The following SYNE1 variants were observed in gnomAD, a reference collection of about 807,000 sequenced individuals.
The protein encoded by SYNE1 is nesprin-1.
A neutral mutation model predicts 1,111.0 loss-of-function variants in SYNE1; 616 were observed. The ratio of observed to expected loss-of-function variants is 0.55; its 90% CI spans 0.52 to 0.59. The LOEUF is 0.59. SYNE1 is among the 20% of genes least tolerant of loss of function. The pLI is 0.00. For synonymous variants in SYNE1, 3,855 were observed against 3,825.8 expected, an observed-to-expected ratio of 1.01 and a Z score of -0.28; for missense variants, 10,006 against 10,417.0, an observed-to-expected ratio of 0.96 and a Z score of 1.72.
chr6:152,602,633 C>T (rs182904234), intron 3 of SYNE1, among the ~76,000 whole-genome samples: 28 of 152,242 alleles, frequency 1.8e-4, no homozygotes, highest in East Asian at 3.9e-4. Context: ...AAACAAAATG[C>T]CTCTGATTAT....
Position 152,416,707 on chromosome 6 carries a change from A to C in SYNE1, c.5730T>G (p.Asn1910Lys), listed in dbSNP as rs1311447431. The C allele has an allele frequency of 1.2e-6, 2 of 1,614,114 alleles. No individual in the cohort carries two copies. The highest frequency in any genetic ancestry group is 1.7e-6 in the Non-Finnish European group (2 of 1,180,050). The change falls in exon 41 of 146, where the codon AAT becomes AAG. Residue 1910 changes from asparagine to lysine, a missense_variant. Coordinates refer to ENST00000367255, the MANE Select transcript of SYNE1 (RefSeq NM_182961.4). ...ATGCTTTAGCATTTTGAAGAGCATCATTGAGGTCCTTTTCTATCAAATCAG... is the reference window on the plus strand; with the variant it reads ...ATGCTTTAGCATTTTGAAGAGCATCCTTGAGGTCCTTTTCTATCAAATCAG... ...NESDLIEKDL[N>K]DALQNAKALE... is the part of the protein sequence containing the mutation.
intron 81 of SYNE1, 30 bp from the exon 82 acceptor site, chr6:152,323,767 C>G (rs2095957897): frequency 6.2e-7 from 1 of 1,612,680 alleles, no homozygotes; most frequent in Non-Finnish European, 8.5e-7. Flanking sequence ...CTATGAAGTT[C>G]AATAATAAAT....
In SYNE1 at chr6:152,230,811, A is replaced by C. The variant is rs1401767254; in HGVS notation, c.21040-109T>G. On this transcript the variant is annotated intron_variant, in intron 114 of 145. Coordinates refer to ENST00000367255, the MANE Select transcript of SYNE1 (RefSeq NM_182961.4). ...TTTCTCCAAATTAAGAATTCTTAAAATACAGTTCATCGTATATATGATTTA... is the reference window on the plus strand; with the variant it reads ...TTTCTCCAAATTAAGAATTCTTAAACTACAGTTCATCGTATATATGATTTA... The C allele has an allele frequency of 8.7e-6, 11 of 1,266,312 alleles. No individual in the cohort carries two copies. The Admixed American group carries it at 2.2e-4, about 25-fold the overall frequency. 78.4% of individuals were successfully genotyped at this position (1,266,312 alleles called of 1,614,324 possible).
rs774468498 is a variant in SYNE1 at position 152,268,163 on chromosome 6, C to T, written c.18708G>A (p.Glu6236=). Residue 6236 remains glutamate (E), a splice_region_variant and synonymous_variant, in exon 100 of 146, where the codon GAG becomes GAA. Coordinates refer to ENST00000367255, the MANE Select transcript of SYNE1 (RefSeq NM_182961.4). ...QRQSSLQQQK[E]LEQELAEQKS... Reference sequence around the variant, plus strand: ...TCTGCTCGGCTAATTCCTGTTCTAACTCCTGCTCAAGGGAAAGGACAAACG... The same window carrying T: ...TCTGCTCGGCTAATTCCTGTTCTAATTCCTGCTCAAGGGAAAGGACAAACG... 5 of 1,613,532 alleles carry T rather than the reference C, an allele frequency of 3.1e-6. No individual in the cohort carries two copies. Among genetic ancestry groups the T allele is most frequent in the Non-Finnish European group, 4.2e-6 (5 of 1,179,424 alleles).
intron 3 of SYNE1, among the ~76,000 whole-genome samples, chr6:152,572,424 C>A (rs183849972): frequency 6.6e-6 from 1 of 152,254 alleles, no homozygotes; most frequent in Non-Finnish European, 1.5e-5. Flanking sequence ...TAAAAGTGCT[C>A]ATTTCCTATG....
intron 36 of SYNE1, among the ~76,000 whole-genome samples, chr6:152,429,709 T>A (rs2098410478): frequency 6.6e-6 from 1 of 152,148 alleles, no homozygotes; most frequent in African/African-American, 2.4e-5. Context: ...TGGAAACAGA[T>A]CAGTGAGGAT....
intron 100 of SYNE1, among the ~76,000 whole-genome samples, chr6:152,264,667 G>A (rs1239067005): frequency 6.6e-6 from 1 of 152,056 alleles, no homozygotes; most frequent in East Asian, 1.9e-4. Context: ...AGGCATGGTG[G>A]TACATGCCGG....
chr6:152,358,125 C>T (rs2096869676), intron 66 of SYNE1, among the ~76,000 whole-genome samples: 1 of 152,164 alleles, frequency 6.6e-6, no homozygotes, highest in African/African-American at 2.4e-5. Flanking sequence ...TTTGTCAGGG[C>T]CACCCTAGCA....
At position 152,577,706 on chromosome 6, in the gene SYNE1, G is replaced by A. The variant is rs561643937; in HGVS notation, c.68-37685C>T. Among the ~76,000 whole-genome samples, 11 of 151,952 alleles carry A rather than the reference G, an allele frequency of 7.2e-5. No homozygotes were observed. In the South Asian group the frequency reaches 2.3e-3, roughly 32 times the overall value. ...AACTCTGGTGATTTTCCAGACGGGAGTTGGAGTGAAGGTCTACATTCACTT... is the reference window on the plus strand; with the variant it reads ...AACTCTGGTGATTTTCCAGACGGGAATTGGAGTGAAGGTCTACATTCACTT... On this transcript the variant is annotated intron_variant, in intron 3 of 145. Transcript: ENST00000367255.
chr6:152,186,668 G>A (rs2070189500), intron 128 of SYNE1, among the ~76,000 whole-genome samples: 2 of 150,968 alleles, frequency 1.3e-5, no homozygotes, highest in Non-Finnish European at 2.9e-5. Context: ...TCTTTGGGGA[G>A]GGAAGTTCAT....
chr6:152,338,348 G>A (rs2096453369), intron 75 of SYNE1, among the ~76,000 whole-genome samples: 2 of 151,708 alleles, frequency 1.3e-5, no homozygotes, highest in African/African-American at 2.4e-5. Context: ...TGGGCCAGGC[G>A]TGGTGGCTCA....
rs530440545 is a variant in SYNE1 at position 152,300,977 on chromosome 6, G to A, written c.17542-196C>T. Among the ~76,000 whole-genome samples the A allele has an allele frequency of 3.3e-5, 5 of 152,292 alleles. No individual in the cohort carries two copies. In the East Asian group the frequency reaches 9.6e-4, roughly 29 times the overall value. Reference sequence around the variant, plus strand: ...GAGAATATGATGCTAGTAATCATTTGTAAAACAATCAGGGATGGGGGTGCA... The same window carrying A: ...GAGAATATGATGCTAGTAATCATTTATAAAACAATCAGGGATGGGGGTGCA... On this transcript the variant is annotated intron_variant, in intron 92 of 145. Coordinates refer to ENST00000367255, the MANE Select transcript of SYNE1 (RefSeq NM_182961.4).
At position 152,407,168 on chromosome 6, in the gene SYNE1, T is replaced by C. The variant is rs1488784271; in HGVS notation, c.6569A>G (p.Asp2190Gly). The C allele has an allele frequency of 6.2e-7, 1 of 1,613,942 alleles. No individual in the cohort carries two copies. Among genetic ancestry groups the C allele is most frequent in the Non-Finnish European group, 8.5e-7 (1 of 1,179,980 alleles). Residue 2190 changes from aspartate (D) to glycine (G), a missense_variant, in exon 45 of 146, where the codon GAT (aspartate) becomes GGT (glycine). Transcript: ENST00000367255. ...DVSEKLEENM[D>G]RLRVSLSIWD... ...AATGGACAGGCTTACTCTCAGCCTA[T>C]CCATGTTTTCTTCAAGTTTCTCTGA...
rs9397106 is a variant in SYNE1 at position 152,488,392 on chromosome 6, A to T, written c.1047+4T>A. The T allele has an allele frequency of 0.44, 671,618 of 1,521,684 alleles. 155,519 individuals carry two copies. Among genetic ancestry groups the T allele is most frequent in the East Asian group, 0.78 (34,461 of 44,246 alleles). 94.3% of individuals were successfully genotyped at this position (1,521,684 alleles called of 1,614,324 possible). A position where few individuals can be genotyped will look rare whatever the true frequency, so the allele number is the denominator to read the frequency against. The stretch of plus-strand genomic sequence containing the variant: ...AAAATTCAAAAATCTTCTCCATACA[A>T]TACCTGATATTTATCCTGTAAATTT... On this transcript the variant is annotated splice_donor_region_variant and intron_variant, in intron 12 of 145. Coordinates refer to ENST00000367255, the MANE Select transcript of SYNE1 (RefSeq NM_182961.4).
In SYNE1 at chr6:152,180,226, C is replaced by G; in HGVS notation, c.23370G>C (p.Lys7790Asn). ...TTTGAGTCAACCACTCACAGAGTTC[C>G]TTGTTCTTTTCACTGAAGACTGCCC... ...NEWAVFSEKN[K>N]ELCEWLTQME... The change falls in exon 129 of 146, where the codon AAG (lysine) becomes AAC (asparagine). Residue 7790 changes from lysine to asparagine, a missense_variant. Lys to Asn is a moderately conservative substitution (Grantham distance 94). This residue lies in a region of SYNE1 where 2,182 missense variants were observed against 2,287.8 expected (regional missense o/e 0.95). Coordinates refer to ENST00000367255, the MANE Select transcript of SYNE1 (RefSeq NM_182961.4). 6.2e-7 allele frequency: 1 copy of G among 1,614,090 alleles called. No individual in the cohort carries two copies. Among genetic ancestry groups the G allele is most frequent in the Non-Finnish European group, 8.5e-7 (1 of 1,179,982 alleles).
intron 45 of SYNE1, 97 bp from the exon 46 acceptor site, chr6:152,404,411 C>T (rs1012867864): frequency 1.1e-6 from 1 of 897,888 alleles, no homozygotes; most frequent in Middle Eastern, 3.3e-4. Context: ...CGAAATACCC[C>T]AACTTTAAGC....
intron 3 of SYNE1, among the ~76,000 whole-genome samples, chr6:152,558,985 T>TTTAC (rs1292890631): frequency 2.5e-5 from 2 of 78,936 alleles, no homozygotes; most frequent in Non-Finnish European, 5.2e-5. Context: ...TTTTTATTTA[T>TTTAC]TTATTTATTT....
Position 152,424,081 on chromosome 6 carries a change from A to G in SYNE1, c.5267+1300T>C, listed in dbSNP as rs138555406. Among the ~76,000 whole-genome samples the G allele has an allele frequency of 5.5e-3, 842 of 152,230 alleles. 3 individuals carry two copies. Among genetic ancestry groups the G allele is most frequent in the South Asian group, 7.9e-3 (38 of 4,818 alleles). ...TTCCTTCCTCCCCTCTCTCCACACCATGGACCTGCCTTGCTTACTGCTGTA... is the reference window on the plus strand; with the variant it reads ...TTCCTTCCTCCCCTCTCTCCACACCGTGGACCTGCCTTGCTTACTGCTGTA... On this transcript the variant is annotated intron_variant, in intron 39 of 145. Transcript: ENST00000367255.
intron 3 of SYNE1, among the ~76,000 whole-genome samples, chr6:152,565,145 C>T (rs1334544421): frequency 6.6e-6 from 1 of 152,090 alleles, no homozygotes; most frequent in Non-Finnish European, 1.5e-5. Context: ...TTCTAGAAGC[C>T]AGGAGAAACC....
Sources: gnomAD v4.1 joint callset for allele counts (sites outside exome capture counted in the v4.1 genomes callset) on GRCh38, gnomAD v4.1.1 for gene constraint, gnomAD v4.1.1 regional missense constraint, MANE v1.5 for transcripts, NCBI Gene and HGNC (gene_info 2026-07-23, HGNC 2026-07-21) for gene names.